Variants in TBC1D22A observed in about 807,000 individuals in gnomAD.
The protein encoded by TBC1D22A is TBC1 domain family member 22A, also known as putative GTPase activator.
In TBC1D22A, 38 loss-of-function variants were observed where a neutral mutation model predicts 60.2. That is an observed-to-expected ratio of 0.63 (90% CI 0.49 to 0.83). TBC1D22A has a LOEUF of 0.83. Ranked by LOEUF, TBC1D22A falls within the 40% of genes least tolerant of loss-of-function variation. The pLI is 0.00. For synonymous variants in TBC1D22A, 302 were observed against 281.7 expected (o/e 1.07, Z -0.72); for missense variants, 628 against 701.0 (o/e 0.90, Z 1.18).
intron 11 of TBC1D22A, among the ~76,000 whole-genome samples, chr22:47,051,748 C>T (rs2063226434): frequency 6.6e-6 from 1 of 152,226 alleles, no homozygotes; most frequent in Non-Finnish European, 1.5e-5. Flanking sequence ...CTCTCCAGCT[C>T]CCCTCCCTCC....
In TBC1D22A at chr22:46,974,825, T is replaced by C. The variant is rs192088493; in HGVS notation, c.1125+426T>C. Among the ~76,000 whole-genome samples, 949 of 152,286 alleles carry C rather than the reference T, an allele frequency of 6.2e-3. 14 individuals are homozygous for C. The highest frequency in any genetic ancestry group is 0.022 in the African/African-American group (904 of 41,574). Reference sequence around the variant, plus strand: ...TGTGAGCCCTCGCCTGCAGTATTGGTGGCCAGGGCTCCAGGTGCGTGGGGC... The same window carrying C: ...TGTGAGCCCTCGCCTGCAGTATTGGCGGCCAGGGCTCCAGGTGCGTGGGGC... On this transcript the variant is annotated intron_variant, in intron 9 of 12. Transcript: ENST00000337137.
At chr22:47,041,580 C>T (rs542694498) in intron 11 of TBC1D22A, among the ~76,000 whole-genome samples, 4 of 152,286 alleles carry the variant, frequency 2.6e-5, no homozygotes, top group South Asian at 2.1e-4. Flanking sequence ...GAGTATTTCA[C>T]GGAAGCCCTG....
intron 6 of TBC1D22A, among the ~76,000 whole-genome samples, chr22:46,893,436 G>A (rs945554295): frequency 2.0e-5 from 3 of 152,178 alleles, no homozygotes; most frequent in Non-Finnish European, 4.4e-5. Context: ...CCTGACAATG[G>A]GGATGATGGC....
At chr22:47,031,849 C>G (rs2062484646) in intron 10 of TBC1D22A, among the ~76,000 whole-genome samples, 1 of 152,158 alleles carries the variant, frequency 6.6e-6, no homozygotes, top group Admixed American at 6.5e-5. Flanking sequence ...GGCTCCTTCT[C>G]CTCAAGTCAG....
At chr22:47,071,486 C>G (rs1005105628) in intron 11 of TBC1D22A, among the ~76,000 whole-genome samples, 1 of 152,250 alleles carries the variant, frequency 6.6e-6, no homozygotes, top group Non-Finnish European at 1.5e-5. Context: ...GCAGCACAAG[C>G]CCTTTCAGTC....
chr22:46,957,499 G>T (rs2073263890), intron 8 of TBC1D22A, among the ~76,000 whole-genome samples: 1 of 152,232 alleles, frequency 6.6e-6, no homozygotes, highest in South Asian at 2.1e-4. Context: ...CATCTCGTGA[G>T]AACTCACTGT....
chr22:47,005,638 A>G (rs1400976299), intron 10 of TBC1D22A, among the ~76,000 whole-genome samples: 24 of 148,692 alleles, frequency 1.6e-4, no homozygotes, highest in Non-Finnish European at 1.5e-5. Flanking sequence ...ACATGCCTGT[A>G]CACACACACA....
chr22:47,054,102 G>A (rs1189503691), intron 11 of TBC1D22A, among the ~76,000 whole-genome samples: 8 of 152,202 alleles, frequency 5.3e-5, no homozygotes, highest in Non-Finnish European at 5.9e-5. Context: ...AGCAGCCAGT[G>A]CCCGAGCTCT....
chr22:46,968,675 C>G (rs2073927961), intron 8 of TBC1D22A, among the ~76,000 whole-genome samples: 1 of 151,978 alleles, frequency 6.6e-6, no homozygotes, highest in Non-Finnish European at 1.5e-5. Context: ...GAGTGGGCAG[C>G]CTTCATCACC....
At chr22:46,831,477 C>G (rs1000246953) in intron 4 of TBC1D22A, among the ~76,000 whole-genome samples, 10 of 152,050 alleles carry the variant, frequency 6.6e-5, no homozygotes, top group African/African-American at 2.4e-4. Context: ...TAGGACCACT[C>G]CTGGTGTCCT....
chr22:46,953,029 C>T (rs1005101914), intron 8 of TBC1D22A, among the ~76,000 whole-genome samples: 20 of 152,182 alleles, frequency 1.3e-4, no homozygotes, highest in African/African-American at 4.6e-4. Context: ...TCCCATACTG[C>T]ACTCTCTGGA....
intron 12 of TBC1D22A, among the ~76,000 whole-genome samples, chr22:47,146,246 G>A (rs1440929313): frequency 2.0e-5 from 3 of 152,200 alleles, no homozygotes; most frequent in Admixed American, 1.3e-4. Context: ...CTGTGTTCTC[G>A]TGCTGCTGGC....
rs540993149 is a variant in TBC1D22A, at chr22:46,772,088, T to C, written c.62+9240T>C. Among the ~76,000 whole-genome samples the C allele has an allele frequency of 1.6e-4, 23 of 142,328 alleles. 1 individual carries two copies. The highest frequency in any genetic ancestry group is 5.3e-4 in the African/African-American group (20 of 38,086). 93.4% of individuals were successfully genotyped at this position (142,328 alleles called of 152,430 possible). ...ATGTATACACACATATACATATATA[T>C]GTATACACACATATACATATATATG... is the stretch of plus-strand genomic sequence containing the variant. On this transcript the variant is annotated intron_variant, in intron 1 of 12. Coordinates refer to ENST00000337137, the MANE Select transcript of TBC1D22A (RefSeq NM_014346.5).
At chr22:47,003,837 C>T (rs2061487120) in intron 10 of TBC1D22A, among the ~76,000 whole-genome samples, 1 of 146,560 alleles carries the variant, frequency 6.8e-6, no homozygotes, top group Non-Finnish European at 1.5e-5. Flanking sequence ...TACGCACACA[C>T]CCTACGCACA....
At chr22:47,153,536 C>T (rs1162880081) in intron 12 of TBC1D22A, among the ~76,000 whole-genome samples, 2 of 149,182 alleles carry the variant, frequency 1.3e-5, no homozygotes, top group African/African-American at 5.0e-5. Context: ...GAGGTGGGTT[C>T]GAGGGGGAAA....
At chr22:46,960,195 C>T (rs553687688) in intron 8 of TBC1D22A, among the ~76,000 whole-genome samples, 6 of 152,254 alleles carry the variant, frequency 3.9e-5, no homozygotes, top group African/African-American at 9.6e-5. Context: ...GCGTTTTTCA[C>T]GGTCTTTGGT....
chr22:47,049,286 C>A (rs1002883389), intron 11 of TBC1D22A, among the ~76,000 whole-genome samples: 4 of 152,228 alleles, frequency 2.6e-5, no homozygotes, highest in Non-Finnish European at 4.4e-5. Flanking sequence ...CCTGGGCGAA[C>A]CTCTTGGTAC....
At chr22:47,113,465 G>A (rs1395667788) in intron 12 of TBC1D22A, among the ~76,000 whole-genome samples, 1 of 152,100 alleles carries the variant, frequency 6.6e-6, no homozygotes, top group Non-Finnish European at 1.5e-5. Context: ...AAGCTGCAGG[G>A]CACTGTGCTC....
chr22:46,856,770 T>C (rs2087592539), intron 4 of TBC1D22A, among the ~76,000 whole-genome samples: 1 of 152,270 alleles, frequency 6.6e-6, no homozygotes. Context: ...CAAATGGATA[T>C]AGCTCTAATT....
Sources: allele counts gnomAD v4.1 joint callset (sites outside exome capture counted in the v4.1 genomes callset), GRCh38; gene constraint gnomAD v4.1.1; transcripts MANE v1.5; gene names NCBI Gene and HGNC (gene_info 2026-07-23, HGNC 2026-07-21).